The following HERC1 variants were observed in gnomAD, a reference collection of about 807,000 sequenced individuals.
The protein encoded by HERC1 is probable E3 ubiquitin-protein ligase HERC1.
HERC1 carries 160 observed loss-of-function variants against 554.3 expected under a neutral mutation model. The observed-to-expected ratio is 0.29, with a 90% CI of 0.25 to 0.33. The LOEUF is 0.33. HERC1 is among the 10% of genes least tolerant of loss of function. HERC1 has a pLI of 1.00. For synonymous variants in HERC1, 2,175 were observed against 2,131.7 expected (o/e 1.02, Z -0.56); for missense variants, 4,919 against 5,918.5 (o/e 0.83, Z 5.54).
At chr15:63,833,392 A>T (rs1015095017) in intron 1 of HERC1, among the ~76,000 whole-genome samples, 2 of 152,124 alleles carry the variant, frequency 1.3e-5, no homozygotes, top group African/African-American at 2.4e-5. Flanking sequence ...CCGGACCCTG[A>T]GAGGGAGTCG....
intron 2 of HERC1, among the ~76,000 whole-genome samples, chr15:63,767,686 G>A (rs567398436): frequency 1.3e-5 from 2 of 152,070 alleles, no homozygotes; most frequent in Non-Finnish European, 2.9e-5. Context: ...AAACAAGAGC[G>A]AGGCTCCGTC....
intron 1 of HERC1, among the ~76,000 whole-genome samples, chr15:63,796,786 A>T (rs2076826933): frequency 6.6e-6 from 1 of 152,242 alleles, no homozygotes; most frequent in Admixed American, 6.5e-5. Flanking sequence ...TGAAAGAATT[A>T]TTATCTAAAG....
At chr15:63,782,909 G>A (rs1452591511) in intron 1 of HERC1, among the ~76,000 whole-genome samples, 1 of 152,198 alleles carries the variant, frequency 6.6e-6, no homozygotes, top group East Asian at 1.9e-4. Flanking sequence ...GAAATAGCAA[G>A]AGAAGTAGAA....
intron 24 of HERC1, among the ~76,000 whole-genome samples, chr15:63,710,886 T>A (rs1307829084): frequency 6.6e-6 from 1 of 152,028 alleles, no homozygotes; most frequent in African/African-American, 2.4e-5. Flanking sequence ...GGAGAATCAC[T>A]GAGGAGAGTA....
At chr15:63,809,320 GTTAATT>G (rs898344563) in intron 1 of HERC1, among the ~76,000 whole-genome samples, 7 of 152,128 alleles carry the variant, frequency 4.6e-5, no homozygotes, top group Non-Finnish European at 8.8e-5. Context: ...GTAATTATGT[GTTAATT>G]TTAATAAAGG....
intron 1 of HERC1, among the ~76,000 whole-genome samples, chr15:63,829,557 GTGTGTATATATATATATATATATATA>G (rs2078076917): frequency 1.5e-5 from 1 of 66,234 alleles, no homozygotes; most frequent in Non-Finnish European, 3.3e-5. Context: ...GTGTGTGTGT[GTGTGTATATATATATATATATATATA>G]TATATATATA....
chr15:63,709,050 C>T (rs577020468), intron 24 of HERC1, among the ~76,000 whole-genome samples: 8 of 152,256 alleles, frequency 5.3e-5, no homozygotes, highest in South Asian at 2.1e-4. Context: ...AGTGCAGTGG[C>T]GCCATCTCGG....
chr15:63,821,752 C>CAAAAAAAAAAAAAAAAAAAAAAAAAAAA (rs2077707139), intron 1 of HERC1, among the ~76,000 whole-genome samples: 1 of 131,100 alleles, frequency 7.6e-6, no homozygotes, highest in African/African-American at 2.9e-5. Flanking sequence ...AAAAAAAAAT[C>CAAAAAAAAAAAAAAAAAAAAAAAAAAAA]AGATAATCTA....
intron 12 of HERC1, among the ~76,000 whole-genome samples, chr15:63,743,579 T>C (rs1421869663): frequency 1.3e-5 from 2 of 152,134 alleles, no homozygotes; most frequent in African/African-American, 4.8e-5. Context: ...GTCTTTCTTC[T>C]GCCATCAATT....
Position 63,612,225 on chromosome 15 carries a change from A to G in HERC1, c.14400+26T>C, listed in dbSNP as rs1416429460. The stretch of plus-strand genomic sequence containing the variant: ...AATGAAGCAATAAGGCAGACATTAC[A>G]AAGGAAAAAAGAATAGCTTACTTAC... On this transcript the variant is annotated intron_variant, in intron 77 of 77. Coordinates refer to ENST00000443617, the MANE Select transcript of HERC1 (RefSeq NM_003922.4). The surrounding 1 kb of genome is among the most constrained non-coding windows in gnomAD (Gnocchi z 5.0). 1 of 1,560,244 alleles carries G rather than the reference A, an allele frequency of 6.4e-7. No homozygotes were observed.
chr15:63,735,977 T>C (rs192176256), intron 12 of HERC1, among the ~76,000 whole-genome samples: 62 of 152,220 alleles, frequency 4.1e-4, no homozygotes, highest in Non-Finnish European at 7.8e-4. Context: ...GATTAAGAAC[T>C]AAATGCACAT....
At chr15:63,723,070 T>C (rs1596070485) in intron 19 of HERC1, 112 bp downstream of exon 19, 1 of 603,742 alleles carries the variant, frequency 1.7e-6, no homozygotes, top group Admixed American at 4.0e-5. Flanking sequence ...AATATCTTTT[T>C]CTATTAAAAA....
chr15:63,713,072 A>C (rs138580960), intron 23 of HERC1, among the ~76,000 whole-genome samples, 177 bp from the exon 24 acceptor site: 17 of 152,400 alleles, frequency 1.1e-4, no homozygotes, highest in African/African-American at 4.1e-4. Context: ...TTTGCATGTC[A>C]CTAAACTACA....
Position 63,718,659 on chromosome 15 carries a change from C to T in HERC1, c.3893G>A (p.Arg1298His), listed in dbSNP as rs745695425. 2.5e-6 allele frequency: 4 copies of T among 1,600,340 alleles called. No homozygotes were observed. Among genetic ancestry groups the T allele is most frequent in the South Asian group, 1.1e-5 (1 of 89,422 alleles). ...QPGKHLSEVY[R>H]CVYKVRSRLL... is the part of the protein sequence containing the mutation. Reference sequence around the variant, plus strand: ...ACGACTTCGAACTTTGTATACACAACGGTACACTTCTGATAAGTGTTTACC... The same window carrying T: ...ACGACTTCGAACTTTGTATACACAATGGTACACTTCTGATAAGTGTTTACC... Residue 1298 changes from arginine to histidine, a missense_variant, in exon 21 of 78, where the codon CGT becomes CAT. Physicochemically the swap from Arg to His is conservative, Grantham distance 29. Transcript: ENST00000443617. The surrounding 1 kb of genome is among the most constrained non-coding windows in gnomAD (Gnocchi z 4.2).
In HERC1 at chr15:63,617,461, A is replaced by G. The variant is rs141415966; in HGVS notation, c.13689-779T>C. 1.4e-4 allele frequency among the ~76,000 whole-genome samples: 22 copies of G among 152,336 alleles called. No homozygotes were observed. In the East Asian group the frequency reaches 3.9e-3, roughly 27 times the overall value. ...CTTTCCTATTATGAATAGTGCCGCA[A>G]TAAACATACGTGTGCATGTGTCCTT... On this transcript the variant is annotated intron_variant, in intron 74 of 77. Coordinates refer to ENST00000443617, the MANE Select transcript of HERC1 (RefSeq NM_003922.4).
intron 46 of HERC1, 48 bp from the exon 47 acceptor site, chr15:63,659,984 A>C: frequency 1.4e-6 from 2 of 1,389,728 alleles, no homozygotes; most frequent in Non-Finnish European, 2.0e-6. Flanking sequence ...TAAATATTAC[A>C]TAAATCTGCT....
chr15:63,652,524 C>G lies in HERC1; in HGVS notation c.10308G>C (p.Trp3436Cys). The G allele has an allele frequency of 6.3e-7, 1 of 1,596,714 alleles. No homozygotes were observed. The highest frequency in any genetic ancestry group is 8.5e-7 in the Non-Finnish European group (1 of 1,170,136). ...TAGCCAAAAGACCTTTTTTATTACACCAAACACATGTCATTACCTAGAAAA... is the reference window on the plus strand; with the variant it reads ...TAGCCAAAAGACCTTTTTTATTACAGCAAACACATGTCATTACCTAGAAAA... ...AHQNRVMTCV[W>C]CNKKGLLATS... is the part of the protein sequence containing the mutation. Residue 3436 changes from tryptophan (W) to cysteine (C), a missense_variant, in exon 52 of 78, where the codon TGG becomes TGC. This residue lies in a region of HERC1 where 1,963 missense variants were observed against 2,228.6 expected (regional missense o/e 0.88). Coordinates refer to ENST00000443617, the MANE Select transcript of HERC1 (RefSeq NM_003922.4).
chr15:63,625,755 T>C (rs1388845922), intron 71 of HERC1, among the ~76,000 whole-genome samples: 2 of 151,788 alleles, frequency 1.3e-5, no homozygotes, highest in Non-Finnish European at 2.9e-5. Flanking sequence ...CATACTTGAT[T>C]TCTGGATAAA....
Position 63,659,860 on chromosome 15 carries a change from C to G in HERC1, c.9300G>C (p.Pro3100=). Residue 3100 remains proline (P), a synonymous_variant, in exon 47 of 78, where the codon CCG becomes CCC. Transcript: ENST00000443617. The part of the protein sequence containing the change: ...GEEEFELLAG[P]LGLNDRRIVP... ...CAATGCGCCGGTCATTTAAACCAAG[C>G]GGTCCAGCAAGTAATTCAAATTCTT... 1 of 1,613,726 alleles carries G rather than the reference C, an allele frequency of 6.2e-7. No homozygotes were observed. Among genetic ancestry groups the G allele is most frequent in the Non-Finnish European group, 8.5e-7 (1 of 1,179,724 alleles).
Sources: allele counts gnomAD v4.1 joint callset (sites outside exome capture counted in the v4.1 genomes callset), GRCh38; gene constraint gnomAD v4.1.1; regional missense constraint gnomAD v4.1.1; non-coding constraint Gnocchi (gnomAD v3.1); transcripts MANE v1.5; gene names NCBI Gene and HGNC (gene_info 2026-07-23, HGNC 2026-07-21).